CBS: variants seen among roughly 807,000 people sequenced by gnomAD.
The protein encoded by CBS is beta-thionase.
For missense variants in CBS, 27 were observed against 124.8 expected, an observed-to-expected ratio of 0.22 and a Z score of 3.73; for synonymous variants, 23 against 52.2, an observed-to-expected ratio of 0.44 and a Z score of 2.41.
chr21:43,065,950 C>T (rs965755774), intron 5 of CBS, among the ~76,000 whole-genome samples: 1 of 53,154 alleles, frequency 1.9e-5, no homozygotes, highest in Non-Finnish European at 3.5e-5. Flanking sequence ...TCTGGTTCCT[C>T]CAGGCCCAGC....
chr21:43,067,750 C>T (rs770411995), intron 4 of CBS: 2 of 382,308 alleles, frequency 5.2e-6, no homozygotes, highest in South Asian at 3.4e-5. Context: ...TTCTCCGCGG[C>T]ACCCTTCCTG....
At chr21:43,068,279 T>C in intron 4 of CBS, 2 of 424,574 alleles carry the variant, frequency 4.7e-6, no homozygotes, top group Non-Finnish European at 8.9e-6. Flanking sequence ...CACCTGTTCG[T>C]TCCCTGGTCC....
In CBS at chr21:43,065,186, T is replaced by C. The variant is rs1982483674; in HGVS notation, c.736+17A>G. ...CAGCCAGGGATAAATGCAATCAAGA[T>C]GGACAGAGGGACGCACCATCACACT... is the stretch of plus-strand genomic sequence containing the variant. On this transcript the variant is annotated intron_variant, in intron 8 of 16. Coordinates refer to ENST00000398165, the MANE Select transcript of CBS (RefSeq NM_000071.3). The C allele has an allele frequency of 4.9e-6, 6 of 1,220,448 alleles. 2 individuals are homozygous for C. The highest frequency in any genetic ancestry group is 7.1e-6 in the Non-Finnish European group (6 of 843,352). 75.6% of individuals were successfully genotyped at this position (1,220,448 alleles called of 1,614,324 possible). A position where few individuals can be genotyped will look rare whatever the true frequency, so the allele number is the denominator to read the frequency against.
chr21:43,063,649 AC>A (rs1982313512), intron 9 of CBS, among the ~76,000 whole-genome samples: 2 of 123,878 alleles, frequency 1.6e-5, no homozygotes, highest in Non-Finnish European at 1.8e-5. Context: ...TGGAACTCCG[AC>A]CCCCCACTCA....
At chr21:43,060,033 C>T (rs2146348676) in intron 12 of CBS, among the ~76,000 whole-genome samples, 1 of 145,288 alleles carries the variant, frequency 6.9e-6, no homozygotes, top group East Asian at 1.9e-4. Context: ...GGGGAAGCAG[C>T]AGAGGGAGTC....
chr21:43,055,766 C>G (rs35307078), intron 16 of CBS: 1 of 421,554 alleles, frequency 2.4e-6, no homozygotes, highest in East Asian at 4.4e-5. Context: ...GTCTTGGGGG[C>G]CGTGCCGTCT....
chr21:43,061,669 A>C, intron 11 of CBS, among the ~76,000 whole-genome samples: 1 of 76,668 alleles, frequency 1.3e-5, no homozygotes, highest in Non-Finnish European at 2.6e-5. Context: ...CCCTGTCACC[A>C]CCCCCAAAGT....
chr21:43,067,897 A>C (rs1983025190), intron 4 of CBS: 1 of 148,616 alleles, frequency 6.7e-6, no homozygotes. Context: ...CTTGGTGAAG[A>C]GCGACCCTTA....
chr21:43,066,168 C>T lies in CBS; in HGVS notation c.451+75G>A, dbSNP rs7279359. On this transcript the variant is annotated intron_variant, in intron 5 of 16. Transcript: ENST00000398165. Reference sequence around the variant, plus strand: ...ACATGCGGCTGCAGCTCAGCCATCCCCCCCGGGTCCCGGCAGGCTCGGCAT... The same window carrying T: ...ACATGCGGCTGCAGCTCAGCCATCCTCCCCGGGTCCCGGCAGGCTCGGCAT... 21,975 of 1,244,862 alleles carry T rather than the reference C, an allele frequency of 0.018. 3,821 individuals carry two copies. The African/African-American group carries it at 0.27, about 15-fold the overall frequency. 77.1% of individuals were successfully genotyped at this position (1,244,862 alleles called of 1,614,324 possible). A position where few individuals can be genotyped will look rare whatever the true frequency, so the allele number is the denominator to read the frequency against.
chr21:43,056,064 GC>G, intron 16 of CBS: 1 of 75,018 alleles, frequency 1.3e-5, no homozygotes. Flanking sequence ...CTACCTGCAG[GC>G]CCCCCCACCA....
At chr21:43,066,711 T>C (rs1982823916) in intron 4 of CBS, among the ~76,000 whole-genome samples, 1 of 74,150 alleles carries the variant, frequency 1.3e-5, no homozygotes, top group Non-Finnish European at 2.6e-5. Context: ...GGCAGGCGCC[T>C]GGATTTGGGT....
intron 9 of CBS, among the ~76,000 whole-genome samples, chr21:43,063,645 T>TC (rs1982311170): frequency 7.9e-6 from 1 of 126,406 alleles, no homozygotes; most frequent in African/African-American, 2.9e-5. Context: ...CAGTTGGAAC[T>TC]CCGACCCCCC....
rs121964970 is a variant in CBS at position 43,065,645 on chromosome 21, C to T, written c.502G>A (p.Val168Met). ...TCGGAGCTCATCTTCTCTGGCATCA[C>T]GATGATGCAGCGATAGCCCCTCACT... Reference protein sequence around the residue: ...AAVRGYRCIIVMPEKMSSEKV... With the variant: ...AAVRGYRCIIMMPEKMSSEKV... The change falls in exon 6 of 17, where the codon GTG becomes ATG. Residue 168 changes from valine to methionine, a missense_variant. Transcript: ENST00000398165. 12 of 299,628 alleles carry T rather than the reference C, an allele frequency of 4.0e-5. 3 individuals are homozygous for T. The highest frequency in any genetic ancestry group is 2.0e-4 in the South Asian group (8 of 40,610). The allele number at this position is 299,628 out of a possible 1,614,324, so 18.6% of individuals were successfully genotyped here.
At chr21:43,066,881 GA>G (rs1048505260) in intron 4 of CBS, among the ~76,000 whole-genome samples, 1 of 126,274 alleles carries the variant, frequency 7.9e-6, no homozygotes. Context: ...CCTGCCCGGG[GA>G]AGGGCTCCCT....
rs763892068 is a variant in CBS at position 43,068,607 on chromosome 21, G to C, written c.218C>G (p.Ser73Cys). ...CAGAATATCTGGCAAGATTTTTGGA[G>C]ATTTTGCCCTGAAACAGAGGAGTCC... ...SPHHHTAPAKSPKILPDILKK... is the reference protein window; with the variant it reads ...SPHHHTAPAKCPKILPDILKK... The change falls in exon 4 of 17, where the codon TCT becomes TGT. Residue 73 changes from serine to cysteine, a missense_variant. Transcript: ENST00000398165. 1.2e-5 allele frequency: 4 copies of C among 331,910 alleles called. No individual in the cohort carries two copies. In the Admixed American group the frequency reaches 1.6e-4, roughly 14 times the overall value. 20.6% of individuals were successfully genotyped at this position (331,910 alleles called of 1,614,324 possible).
chr21:43,066,173 G>A lies in CBS; in HGVS notation c.451+70C>T, dbSNP rs563508389. 237 of 1,277,518 alleles carry A rather than the reference G, an allele frequency of 1.9e-4. 20 individuals carry two copies. The Admixed American group carries it at 3.7e-3, about 20-fold the overall frequency. 79.1% of individuals were successfully genotyped at this position (1,277,518 alleles called of 1,614,324 possible). A position where few individuals can be genotyped will look rare whatever the true frequency, so the allele number is the denominator to read the frequency against. On this transcript the variant is annotated intron_variant, in intron 5 of 16. Coordinates refer to ENST00000398165, the MANE Select transcript of CBS (RefSeq NM_000071.3). ...CGGCTGCAGCTCAGCCATCCCCCCC[G>A]GGTCCCGGCAGGCTCGGCATGGGTA...
intron 4 of CBS, 70 bp from the exon 5 acceptor site, chr21:43,066,447 C>A: frequency 4.0e-6 from 2 of 495,542 alleles, no homozygotes; most frequent in Non-Finnish European, 7.0e-6. Context: ...CTCACCCCCC[C>A]ATTACCTGAT....
Position 43,066,224 on chromosome 21 carries a change from C to A in CBS, c.451+19G>T, listed in dbSNP as rs765760722. Reference sequence around the variant, plus strand: ...GGGGACAGCCAGCCCTGGCCACCCCCTCTGGGCCTGGCACCCACCGGTGTT... The same window carrying A: ...GGGGACAGCCAGCCCTGGCCACCCCATCTGGGCCTGGCACCCACCGGTGTT... On this transcript the variant is annotated intron_variant, in intron 5 of 16. Coordinates refer to ENST00000398165, the MANE Select transcript of CBS (RefSeq NM_000071.3). 8.1e-6 allele frequency: 11 copies of A among 1,360,232 alleles called. 1 individual carries two copies. The highest frequency in any genetic ancestry group is 1.1e-5 in the Non-Finnish European group (11 of 1,005,404). The allele number at this position is 1,360,232 out of a possible 1,614,324, so 84.3% of individuals were successfully genotyped here. A position where few individuals can be genotyped will look rare whatever the true frequency, so the allele number is the denominator to read the frequency against.
chr21:43,056,115 C>T (rs375901613), intron 16 of CBS: 1 of 42,230 alleles, frequency 2.4e-5, no homozygotes, highest in South Asian at 1.7e-4. Flanking sequence ...GAGCCAAGGA[C>T]GGGAGATGGG....
Sources: gnomAD v4.1 joint callset for allele counts (sites outside exome capture counted in the v4.1 genomes callset) on GRCh38, gnomAD v4.1.1 for gene constraint, MANE v1.5 for transcripts, NCBI Gene and HGNC (gene_info 2026-07-23, HGNC 2026-07-21) for gene names.